Variants in DISC1 observed in about 807,000 individuals in gnomAD.
The protein encoded by DISC1 is disrupted in schizophrenia 1 protein.
DISC1 carries 57 observed loss-of-function variants against 84.5 expected under a neutral mutation model. That is an observed-to-expected ratio of 0.67 (90% confidence interval 0.55 to 0.84). The LOEUF (loss-of-function observed/expected upper bound fraction) is 0.84. Ranked by LOEUF, DISC1 falls within the 40% of genes least tolerant of loss-of-function variation. The pLI is 0.00. For synonymous variants in DISC1, 411 were observed against 415.2 expected (o/e 0.99, Z 0.12); for missense variants, 1,000 against 1,057.8 (o/e 0.95, Z 0.76).
intron 1 of DISC1, among the ~76,000 whole-genome samples, chr1:231,664,262 A>T (rs2061819490): frequency 6.6e-6 from 1 of 152,108 alleles, no homozygotes; most frequent in African/African-American, 2.4e-5. Flanking sequence ...TGTTATTTTA[A>T]ACATCTACAA....
At chr1:231,830,210 G>T (rs903433610) in intron 9 of DISC1, among the ~76,000 whole-genome samples, 1 of 152,192 alleles carries the variant, frequency 6.6e-6, no homozygotes, top group Admixed American at 6.5e-5. Context: ...CTTCGAGCGG[G>T]ATTAGGGCGG....
At chr1:231,743,387 C>A (rs2073570338) in intron 3 of DISC1, among the ~76,000 whole-genome samples, 1 of 152,212 alleles carries the variant, frequency 6.6e-6, no homozygotes, top group South Asian at 2.1e-4. Flanking sequence ...GAAGGTCAGA[C>A]AGCTAGAAGT....
At chr1:231,775,975 AG>A (rs2076935275) in intron 6 of DISC1, among the ~76,000 whole-genome samples, 1 of 152,160 alleles carries the variant, frequency 6.6e-6, no homozygotes, top group African/African-American at 2.4e-5. Flanking sequence ...AGGAGGTGAC[AG>A]TGTCCAAGAT....
At chr1:231,940,171 T>C (rs2091234996) in intron 9 of DISC1, among the ~76,000 whole-genome samples, 1 of 152,188 alleles carries the variant, frequency 6.6e-6, no homozygotes, top group Non-Finnish European at 1.5e-5. Flanking sequence ...TTGTCCTCTG[T>C]CCTTCCCCTC....
intron 1 of DISC1, among the ~76,000 whole-genome samples, chr1:231,654,673 T>A (rs575027690): frequency 8.7e-4 from 133 of 152,296 alleles, no homozygotes; most frequent in African/African-American, 3.1e-3. Context: ...TACTTCCGAC[T>A]TTTTTTAGAT....
intron 6 of DISC1, among the ~76,000 whole-genome samples, chr1:231,781,762 A>G (rs1336034721): frequency 6.6e-6 from 1 of 151,898 alleles, no homozygotes; most frequent in Non-Finnish European, 1.5e-5. Flanking sequence ...AACTTTTCAG[A>G]TGTTAATTTA....
intron 9 of DISC1, among the ~76,000 whole-genome samples, chr1:231,893,698 AG>A (rs1467556694): frequency 1.3e-5 from 2 of 152,104 alleles, no homozygotes; most frequent in African/African-American, 4.8e-5. Context: ...CAATCATACA[AG>A]GGCATATAAA....
intron 9 of DISC1, among the ~76,000 whole-genome samples, chr1:231,845,941 G>A (rs2083420278): frequency 6.6e-6 from 1 of 152,118 alleles, no homozygotes; most frequent in African/African-American, 2.4e-5. Flanking sequence ...TGCAAGGATG[G>A]CGGCAGGGCT....
chr1:231,989,201 T>C (rs1664859966), intron 10 of DISC1, among the ~76,000 whole-genome samples: 1 of 152,236 alleles, frequency 6.6e-6, no homozygotes, highest in Non-Finnish European at 1.5e-5. Flanking sequence ...TCTATCAAGA[T>C]TCTTTCCTAC....
At chr1:231,980,015 A>G (rs1663370574) in intron 10 of DISC1, among the ~76,000 whole-genome samples, 1 of 152,204 alleles carries the variant, frequency 6.6e-6, no homozygotes, top group Non-Finnish European at 1.5e-5. Flanking sequence ...TTTTAAGCAT[A>G]TGTAACACTA....
Position 231,851,000 on chromosome 1 carries a change from G to C in DISC1, c.1981+32483G>C, listed in dbSNP as rs73093416. Among the ~76,000 whole-genome samples the C allele has an allele frequency of 9.9e-3, 1,505 of 152,300 alleles. 29 individuals are homozygous for C. Among genetic ancestry groups the C allele is most frequent in the African/African-American group, 0.034 (1,424 of 41,556 alleles). On this transcript the variant is annotated intron_variant, in intron 9 of 12. Coordinates refer to ENST00000439617, the MANE Select transcript of DISC1 (RefSeq NM_018662.3). ...GCACTGGCAGGGTGTGAAGGTCATA[G>C]CAAGGGCAGCAGTGCTTCCCAGGAT... is the stretch of plus-strand genomic sequence containing the variant.
At chr1:231,866,635 C>A in intron 9 of DISC1, 1 of 1,582,126 alleles carries the variant, frequency 6.3e-7, no homozygotes, top group Non-Finnish European at 8.6e-7. Flanking sequence ...GACTTCAGCC[C>A]CCAGCGCTCA....
At chr1:232,032,642 G>A (rs920103583) in intron 12 of DISC1, among the ~76,000 whole-genome samples, 2 of 152,134 alleles carry the variant, frequency 1.3e-5, no homozygotes, top group South Asian at 2.1e-4. Flanking sequence ...GTTATGGGGG[G>A]CAGATACTTA....
At chr1:231,893,891 C>A (rs1447536218) in intron 9 of DISC1, among the ~76,000 whole-genome samples, 1 of 152,106 alleles carries the variant, frequency 6.6e-6, no homozygotes, top group African/African-American at 2.4e-5. Context: ...TTAATGGCCT[C>A]AAAAATATCA....
chr1:232,009,105 G>A lies in DISC1; in HGVS notation c.2307+56G>A. On this transcript the variant is annotated intron_variant, in intron 11 of 12. Coordinates refer to ENST00000439617, the MANE Select transcript of DISC1 (RefSeq NM_018662.3). This position sits in a 1 kb window ranked among gnomAD's most constrained non-coding sequence, Gnocchi z 4.6. ...GACCCTTATTCTAAGGGGTGCTTTG[G>A]GACCATGCTCCAAATGGGAACAATA... The A allele has an allele frequency of 6.2e-7, 1 of 1,610,814 alleles. No homozygotes were observed. Among genetic ancestry groups the A allele is most frequent in the Non-Finnish European group, 8.5e-7 (1 of 1,178,536 alleles).
At chr1:231,845,610 G>A (rs1472170922) in intron 9 of DISC1, among the ~76,000 whole-genome samples, 2 of 152,202 alleles carry the variant, frequency 1.3e-5, no homozygotes, top group African/African-American at 4.8e-5. Context: ...GCAACAGCGA[G>A]CACGCCAGGC....
At chr1:231,702,769 T>C in intron 3 of DISC1, 1 of 190,310 alleles carries the variant, frequency 5.3e-6, no homozygotes, top group Non-Finnish European at 9.7e-6. Flanking sequence ...AGCTTTCAGG[T>C]ATGGTTGTCC....
chr1:232,011,363 T>G (rs545406287), intron 11 of DISC1, among the ~76,000 whole-genome samples: 81 of 152,282 alleles, frequency 5.3e-4, no homozygotes, highest in African/African-American at 1.9e-3. Flanking sequence ...ATGCTGAGGA[T>G]GTCCTACATT....
intron 2 of DISC1, among the ~76,000 whole-genome samples, chr1:231,700,397 AT>A (rs1316743586): frequency 2.0e-5 from 3 of 152,032 alleles, no homozygotes; most frequent in Non-Finnish European, 4.4e-5. Flanking sequence ...TCAATGCTGA[AT>A]TTTTTTCTCA....
Sources: allele counts gnomAD v4.1 joint callset (sites outside exome capture counted in the v4.1 genomes callset), GRCh38; gene constraint gnomAD v4.1.1; non-coding constraint Gnocchi (gnomAD v3.1); transcripts MANE v1.5; gene names NCBI Gene and HGNC (gene_info 2026-07-23, HGNC 2026-07-21).